TMEM178A: variants seen among roughly 807,000 people sequenced by gnomAD.
The protein encoded by TMEM178A is transmembrane protein 178A.
A neutral mutation model predicts 29.1 loss-of-function variants in TMEM178A; 12 were observed. The ratio of observed to expected loss-of-function variants is 0.41; its 90% CI spans 0.26 to 0.67. TMEM178A has a LOEUF of 0.67. Ranked by LOEUF, TMEM178A falls within the 30% of genes least tolerant of loss-of-function variation. The probability of loss-of-function intolerance (pLI) is 0.29; values close to 1 mark genes in which losing one functional copy is unlikely to be tolerated. For missense variants in TMEM178A, 366 were observed against 419.1 expected, an observed-to-expected ratio of 0.87 and a Z score of 1.11; for synonymous variants, 210 against 187.2, an observed-to-expected ratio of 1.12 and a Z score of -0.99.
At chr2:39,668,513 G>A (rs1233027345) in intron 1 of TMEM178A, among the ~76,000 whole-genome samples, 2 of 152,170 alleles carry the variant, frequency 1.3e-5, no homozygotes, top group Non-Finnish European at 2.9e-5. Context: ...CTTCGCCTTC[G>A]GTTTCCTTGT....
At chr2:39,722,442 C>T (rs1672723565), downstream of TMEM178A, among the ~76,000 whole-genome samples, 1 of 152,090 alleles carries the variant, frequency 6.6e-6, no homozygotes, top group African/African-American at 2.4e-5. Context: ...TATCAATGGC[C>T]CAAATGCTCC....
At chr2:39,730,176 G>A in the TMEM178A span, among the ~76,000 whole-genome samples, 1 of 152,096 alleles carries the variant, frequency 6.6e-6, no homozygotes, top group Non-Finnish European at 1.5e-5. Context: ...TTAATTCAAT[G>A]GTTTCTTGTT....
In TMEM178A at chr2:39,665,987, G is replaced by T; in HGVS notation, c.13G>T (p.Ala5Ser). 1 of 1,402,762 alleles carries T rather than the reference G, an allele frequency of 7.1e-7. No individual in the cohort carries two copies. The highest frequency in any genetic ancestry group is 9.3e-7 in the Non-Finnish European group (1 of 1,080,066). 86.9% of individuals were successfully genotyped at this position (1,402,762 alleles called of 1,614,324 possible). A position where few individuals can be genotyped will look rare whatever the true frequency, so the allele number is the denominator to read the frequency against. Residue 5 changes from alanine (A) to serine (S), a missense_variant, in exon 1 of 4, where the codon GCG (alanine) becomes TCG (serine). Physicochemically the swap from Ala to Ser is moderately conservative, Grantham distance 99. Around this residue, in one of 2 missense-constraint regions of TMEM178A, gnomAD observed 247 missense variants for 246.8 expected, o/e 1.00. Coordinates refer to ENST00000281961, the MANE Select transcript of TMEM178A (RefSeq NM_152390.3). MEPRALVTALSLGLS... is the reference protein window; with the variant it reads MEPRSLVTALSLGLS... ...GGGGCGGGAAGCCATGGAGCCGCGG[G>T]CGCTCGTCACGGCGCTCAGCCTCGG...
At chr2:39,671,337 C>T (rs985376457) in intron 1 of TMEM178A, among the ~76,000 whole-genome samples, 2 of 152,204 alleles carry the variant, frequency 1.3e-5, no homozygotes, top group Non-Finnish European at 2.9e-5. Flanking sequence ...TGATGATTTT[C>T]TTCAGCTCAT....
intron 1 of TMEM178A, 116 bp downstream of exon 1, chr2:39,666,490 C>A: frequency 1.3e-6 from 1 of 781,134 alleles, no homozygotes; most frequent in Non-Finnish European, 1.7e-6. Context: ...CGCGCCTGGG[C>A]ATTCTTGCAT....
At chr2:39,686,328 A>G (rs562496312) in intron 1 of TMEM178A, among the ~76,000 whole-genome samples, 2 of 152,342 alleles carry the variant, frequency 1.3e-5, no homozygotes, top group Admixed American at 6.5e-5. Context: ...CAAAGGCACA[A>G]CAGAAGTGTT....
chr2:39,680,632 G>T (rs1670828446), intron 1 of TMEM178A, among the ~76,000 whole-genome samples: 1 of 152,176 alleles, frequency 6.6e-6, no homozygotes, highest in Admixed American at 6.5e-5. Flanking sequence ...TCATAGTAGA[G>T]AATGCAAAAG....
At chr2:39,701,731 T>A (rs1396414095) in intron 1 of TMEM178A, among the ~76,000 whole-genome samples, 1 of 152,142 alleles carries the variant, frequency 6.6e-6, no homozygotes, top group Non-Finnish European at 1.5e-5. Context: ...AAATCATCCT[T>A]TGTTCTTTAT....
Position 39,715,066 on chromosome 2 carries a change from T to G in TMEM178A, c.653-1944T>G, listed in dbSNP as rs143661702. On this transcript the variant is annotated intron_variant, in intron 3 of 3. Coordinates refer to ENST00000281961, the MANE Select transcript of TMEM178A (RefSeq NM_152390.3). The stretch of plus-strand genomic sequence containing the variant: ...GTTAGGTAATTTCAAGTTTGCACAG[T>G]GTTTAGTAGAGCTGGAAACTAGAAT... Among the ~76,000 whole-genome samples the G allele has an allele frequency of 4.0e-3, 611 of 152,300 alleles. 4 individuals carry two copies. The highest frequency in any genetic ancestry group is 0.014 in the African/African-American group (573 of 41,558).
At chr2:39,687,099 C>T (rs547022532) in intron 1 of TMEM178A, among the ~76,000 whole-genome samples, 1 of 151,720 alleles carries the variant, frequency 6.6e-6, no homozygotes, top group South Asian at 2.1e-4. Flanking sequence ...CTTGTCCAGC[C>T]AGGAAATCTG....
In TMEM178A at chr2:39,693,447, G is replaced by A. The variant is rs142714659; in HGVS notation, c.401-10634G>A. ...CCACATGAGCATCCACTGAATTGAT[G>A]GCTGTATTCAGTTTCACATGAGACA... On this transcript the variant is annotated intron_variant, in intron 1 of 3. Transcript: ENST00000281961. Among the ~76,000 whole-genome samples the A allele has an allele frequency of 2.5e-3, 383 of 152,320 alleles. 1 individual carries two copies. The highest frequency in any genetic ancestry group is 8.7e-3 in the African/African-American group (360 of 41,568).
intron 1 of TMEM178A, among the ~76,000 whole-genome samples, chr2:39,688,509 G>A (rs1027378648): frequency 6.6e-6 from 1 of 152,210 alleles, no homozygotes; most frequent in Admixed American, 6.5e-5. Flanking sequence ...GGTGGTGAGT[G>A]CCATCCTCAA....
At chr2:39,718,578 T>A (rs1056382429), downstream of TMEM178A, among the ~76,000 whole-genome samples, 1 of 152,246 alleles carries the variant, frequency 6.6e-6, no homozygotes, top group Non-Finnish European at 1.5e-5. Flanking sequence ...TGCCAGTAAC[T>A]GGGCTGTGGT....
chr2:39,700,889 T>C (rs1671750878), intron 1 of TMEM178A, among the ~76,000 whole-genome samples: 1 of 152,020 alleles, frequency 6.6e-6, no homozygotes, highest in Non-Finnish European at 1.5e-5. Flanking sequence ...AGTAACATCT[T>C]AACAATCTAG....
chr2:39,700,924 A>G (rs1163656135), intron 1 of TMEM178A, among the ~76,000 whole-genome samples: 1 of 151,952 alleles, frequency 6.6e-6, no homozygotes, highest in African/African-American at 2.4e-5. Context: ...AATTGAATTC[A>G]ATAGTATATA....
chr2:39,684,433 T>C (rs1413681098), intron 1 of TMEM178A, among the ~76,000 whole-genome samples: 1 of 152,258 alleles, frequency 6.6e-6, no homozygotes, highest in African/African-American at 2.4e-5. Flanking sequence ...TGCTAATGTA[T>C]ACACAAACAT....
chr2:39,669,538 C>T (rs777141299), intron 1 of TMEM178A, among the ~76,000 whole-genome samples: 2 of 152,174 alleles, frequency 1.3e-5, no homozygotes, highest in Non-Finnish European at 2.9e-5. Flanking sequence ...TGTTTTCACA[C>T]TCTTATTATG....
At chr2:39,693,771 A>T (rs1384039282) in intron 1 of TMEM178A, among the ~76,000 whole-genome samples, 1 of 152,222 alleles carries the variant, frequency 6.6e-6, no homozygotes. Flanking sequence ...TGGTTCTGAG[A>T]AGCTGAGAAT....
At chr2:39,729,674 TTCC>T in the TMEM178A span, among the ~76,000 whole-genome samples, 4 of 152,200 alleles carry the variant, frequency 2.6e-5, no homozygotes, top group African/African-American at 9.6e-5. Flanking sequence ...GTGGCTTCCA[TTCC>T]TCCTCTAGTT....
Sources: allele counts gnomAD v4.1 joint callset (sites outside exome capture counted in the v4.1 genomes callset), GRCh38; gene constraint gnomAD v4.1.1; regional missense constraint gnomAD v4.1.1; transcripts MANE v1.5; gene names NCBI Gene and HGNC (gene_info 2026-07-23, HGNC 2026-07-21).